GAPVD1: variants seen among roughly 807,000 people sequenced by gnomAD.
GAPVD1 encodes GTPase-activating protein and VPS9 domain-containing protein 1.
In GAPVD1, 35 loss-of-function variants were observed where a neutral mutation model predicts 155.5. The observed-to-expected ratio is 0.23, with a 90% CI of 0.17 to 0.30. GAPVD1 has a LOEUF of 0.30. Ranked by LOEUF, GAPVD1 falls within the 10% of genes least tolerant of loss-of-function variation. GAPVD1 has a pLI of 1.00. For missense variants in GAPVD1, 1,429 were observed against 1,775.7 expected (o/e 0.80, Z 3.51); for synonymous variants, 636 against 619.7 (o/e 1.03, Z -0.39).
chr9:125,316,272 G>T (rs918900107), intron 9 of GAPVD1, among the ~76,000 whole-genome samples: 4 of 151,868 alleles, frequency 2.6e-5, no homozygotes, highest in Non-Finnish European at 4.4e-5. Flanking sequence ...TGTTACATAG[G>T]TATACATGTG....
At chr9:125,336,482 T>A (rs1847011970) in intron 15 of GAPVD1, among the ~76,000 whole-genome samples, 1 of 152,148 alleles carries the variant, frequency 6.6e-6, no homozygotes, top group Non-Finnish European at 1.5e-5. Flanking sequence ...ATTGCCCCTA[T>A]GTTTATAATT....
chr9:125,302,011 C>A lies in GAPVD1; in HGVS notation c.214C>A (p.Gln72Lys). Residue 72 changes from glutamine (Q) to lysine (K), a missense_variant, in exon 5 of 28, where the codon CAA becomes AAA. By Grantham distance (53) the Gln-to-Lys change is moderately conservative. This residue lies in a region of GAPVD1 where 628 missense variants were observed against 733.4 expected (regional missense o/e 0.86). Transcript: ENST00000297933. The part of the protein sequence containing the change: ...SAEASPAECC[Q>K]HAKILEDTQF... ...TGAAGCTTCCCCTGCTGAATGTTGC[C>A]AACATGCCAAAATTTTGGAAGATAC... 1 of 1,590,770 alleles carries A rather than the reference C, an allele frequency of 6.3e-7. No homozygotes were observed. The highest frequency in any genetic ancestry group is 8.6e-7 in the Non-Finnish European group (1 of 1,168,886).
chr9:125,359,846 G>A lies in GAPVD1; in HGVS notation c.4044+354G>A, dbSNP rs1213627273. On this transcript the variant is annotated intron_variant, in intron 26 of 27. Transcript: ENST00000297933. ...AGCACTCCAAAGAGTGAGATATGCT[G>A]TCTCAGGAGAGGTCATTGAGTCTGC... 3.0e-5 allele frequency: 6 copies of A among 203,096 alleles called. No homozygotes were observed. In the East Asian group the frequency reaches 7.7e-4, roughly 26 times the overall value. 12.6% of individuals were successfully genotyped at this position (203,096 alleles called of 1,614,324 possible).
At chr9:125,281,616 T>G (rs1836801848) in intron 2 of GAPVD1, among the ~76,000 whole-genome samples, 1 of 152,216 alleles carries the variant, frequency 6.6e-6, no homozygotes, top group Admixed American at 6.5e-5. Flanking sequence ...ATTGATACAT[T>G]ATCATTAAAT....
At chr9:125,359,534 C>A in intron 26 of GAPVD1, 42 bp downstream of exon 26, 1 of 948,842 alleles carries the variant, frequency 1.1e-6, no homozygotes, top group Admixed American at 1.7e-5. Flanking sequence ...TAACTAAATG[C>A]TGCGTGTTAT....
At position 125,343,748 on chromosome 9, in the gene GAPVD1, A is replaced by G. The variant is rs557050363; in HGVS notation, c.3046+1449A>G. Among the ~76,000 whole-genome samples the G allele has an allele frequency of 3.9e-5, 6 of 152,356 alleles. No homozygotes were observed. The South Asian group carries it at 8.3e-4, about 21-fold the overall frequency. On this transcript the variant is annotated intron_variant, in intron 19 of 27. Coordinates refer to ENST00000297933, the MANE Select transcript of GAPVD1 (RefSeq NM_001282680.3). ...TAAGTCAAATCACACATGACTCTTCAGGACCTTCCAGTCTGATTGGGAAGA... is the reference window on the plus strand; with the variant it reads ...TAAGTCAAATCACACATGACTCTTCGGGACCTTCCAGTCTGATTGGGAAGA...
At chr9:125,300,847 G>GT (rs1248350818) in intron 4 of GAPVD1, among the ~76,000 whole-genome samples, 3 of 151,916 alleles carry the variant, frequency 2.0e-5, no homozygotes, top group Non-Finnish European at 4.4e-5. Context: ...GGGCATTGTG[G>GT]TTTTTTCCCC....
intron 4 of GAPVD1, 113 bp from the exon 5 acceptor site, chr9:125,301,870 C>A: frequency 1.2e-6 from 1 of 842,170 alleles, no homozygotes; most frequent in Non-Finnish European, 1.7e-6. Flanking sequence ...TTCAGAGTGA[C>A]CTCATTGTTG....
chr9:125,318,156 T>C (rs1843728609), intron 9 of GAPVD1, among the ~76,000 whole-genome samples: 2 of 152,216 alleles, frequency 1.3e-5, no homozygotes, highest in Admixed American at 6.5e-5. Context: ...AGCTAATTTT[T>C]GTATTTTTAG....
chr9:125,320,322 G>A (rs1285115441), intron 9 of GAPVD1, among the ~76,000 whole-genome samples: 1 of 152,160 alleles, frequency 6.6e-6, no homozygotes, highest in African/African-American at 2.4e-5. Context: ...GAGGCTTGTA[G>A]GGAGTAGTGA....
chr9:125,278,949 T>C lies in GAPVD1; in HGVS notation c.-150+9965T>C, dbSNP rs564751724. On this transcript the variant is annotated intron_variant, in intron 2 of 27. Transcript: ENST00000297933. Reference sequence around the variant, plus strand: ...AGTCATGGCTGGGCACAGTGACTCATGCCTGTAATCCTAGCACTTTGGGAG... The same window carrying C: ...AGTCATGGCTGGGCACAGTGACTCACGCCTGTAATCCTAGCACTTTGGGAG... Among the ~76,000 whole-genome samples the C allele has an allele frequency of 2.0e-5, 3 of 152,198 alleles. 1 individual carries two copies. The highest frequency in any genetic ancestry group is 7.2e-5 in the African/African-American group (3 of 41,536).
intron 12 of GAPVD1, among the ~76,000 whole-genome samples, chr9:125,329,732 G>T (rs1845808854): frequency 6.6e-6 from 1 of 151,854 alleles, no homozygotes. Flanking sequence ...GAGGGCAATG[G>T]CATGACCTCG....
In GAPVD1 at chr9:125,364,015, A is replaced by C. The variant is rs1851265138; in HGVS notation, c.*1269A>C. The C allele has an allele frequency of 6.6e-6, 1 of 152,560 alleles. No individual in the cohort carries two copies. The highest frequency in any genetic ancestry group is 1.5e-5 in the Non-Finnish European group (1 of 68,018). The allele number at this position is 152,560 out of a possible 1,614,324, so 9.5% of individuals were successfully genotyped here. On this transcript the variant is annotated 3_prime_UTR_variant, in exon 28 of 28. Transcript: ENST00000297933. ...GCACAAGTCTTGTACATGGGCCATC[A>C]CTGTCTGGTTTCACTTCGTGTGTTT...
At chr9:125,334,222 G>A (rs1417447766) in intron 15 of GAPVD1, among the ~76,000 whole-genome samples, 1 of 150,708 alleles carries the variant, frequency 6.6e-6, no homozygotes, top group Non-Finnish European at 1.5e-5. Context: ...AATTTGCTGG[G>A]GCCCTAGCAG....
chr9:125,267,343 C>T (rs1364516153), intron 1 of GAPVD1, among the ~76,000 whole-genome samples: 1 of 152,160 alleles, frequency 6.6e-6, no homozygotes, highest in Non-Finnish European at 1.5e-5. Context: ...CAGTCTCGAC[C>T]TCCTGGGCTC....
chr9:125,303,723 C>T (rs1220784363), intron 5 of GAPVD1, among the ~76,000 whole-genome samples: 1 of 148,192 alleles, frequency 6.7e-6, no homozygotes, highest in African/African-American at 2.5e-5. Context: ...TTGCGATGAG[C>T]TGAGATTGCA....
rs397893733 is a variant in GAPVD1 at position 125,301,963 on chromosome 9, CTTT to C, written c.186-5_186-3del. 14,916 of 1,344,504 alleles carry C rather than the reference CTTT, an allele frequency of 0.011. No individual in the cohort carries two copies. The highest frequency in any genetic ancestry group is 0.018 in the South Asian group (1,155 of 65,976). 83.3% of individuals were successfully genotyped at this position (1,344,504 alleles called of 1,614,324 possible). ...AATACTATTATTTTGCTTGTTTGCTCTTTTTTTTTTTTTTTTTAGTGCTGAAGC... is the reference window on the plus strand; with the variant it reads ...AATACTATTATTTTGCTTGTTTGCTCTTTTTTTTTTTTTTAGTGCTGAAGC... On this transcript the variant is annotated splice_polypyrimidine_tract_variant and intron_variant, in intron 4 of 27. Coordinates refer to ENST00000297933, the MANE Select transcript of GAPVD1 (RefSeq NM_001282680.3).
intron 1 of GAPVD1, chr9:125,263,960 A>C (rs939261306): frequency 7.1e-7 from 1 of 1,398,732 alleles, no homozygotes; most frequent in South Asian, 1.2e-5. Context: ...GAGAGACTGC[A>C]TGGCCTTCAT....
chr9:125,284,603 A>ACCTCTGGC (rs1837340195), intron 2 of GAPVD1, among the ~76,000 whole-genome samples: 1 of 151,348 alleles, frequency 6.6e-6, no homozygotes, highest in Non-Finnish European at 1.5e-5. Flanking sequence ...GAGACACCAC[A>ACCTCTGGC]CCTCTGGCCT....
Sources: gnomAD v4.1 joint callset for allele counts (sites outside exome capture counted in the v4.1 genomes callset) on GRCh38, gnomAD v4.1.1 for gene constraint, gnomAD v4.1.1 regional missense constraint, MANE v1.5 for transcripts, NCBI Gene and HGNC (gene_info 2026-07-23, HGNC 2026-07-21) for gene names.